Variants in DIS3L observed in about 807,000 individuals in gnomAD.
DIS3L encodes DIS3 like exosome 3'-5' exoribonuclease, also known as DIS3-like exonuclease 1.
DIS3L carries 100 observed loss-of-function variants against 120.3 expected under a neutral mutation model. The ratio of observed to expected loss-of-function variants is 0.83; its 90% confidence interval spans 0.71 to 0.98. The LOEUF (loss-of-function observed/expected upper bound fraction) is 0.98, where lower values mean the gene tolerates loss of function less well. Among genes scored for constraint, DIS3L ranks in the 50% least tolerant of loss-of-function variants. The probability of loss-of-function intolerance (pLI) is 0.00; values close to 1 mark genes in which losing one functional copy is unlikely to be tolerated. For missense variants in DIS3L, 1,196 were observed against 1,314.2 expected (o/e 0.91, Z 1.39); for synonymous variants, 426 against 470.6 (o/e 0.91, Z 1.23).
At chr15:66,329,612 G>A (rs2140414553) in intron 14 of DIS3L, 1 of 1,258,332 alleles carries the variant, frequency 7.9e-7, no homozygotes, top group Non-Finnish European at 1.0e-6. Context: ...TTTTCCGAAA[G>A]GTGGAAATGT....
intron 2 of DIS3L, among the ~76,000 whole-genome samples, chr15:66,305,614 T>A (rs1458272070): frequency 6.6e-6 from 1 of 152,156 alleles, no homozygotes; most frequent in Admixed American, 6.5e-5. Context: ...AGCCTCAGAC[T>A]CCTGGGCTTA....
intron 2 of DIS3L, among the ~76,000 whole-genome samples, chr15:66,301,099 T>C (rs2092642901): frequency 6.6e-6 from 1 of 152,102 alleles, no homozygotes; most frequent in Admixed American, 6.6e-5. Flanking sequence ...GAAAGGGATG[T>C]TGCATCTGTA....
At chr15:66,322,555 C>A (rs2092895775) in intron 9 of DIS3L, 132 bp from the exon 10 acceptor site, 8 of 1,388,216 alleles carry the variant, frequency 5.8e-6, no homozygotes, top group Non-Finnish European at 7.9e-6. Context: ...TCAAAGGAAG[C>A]CAACATAGGT....
rs373702458 is a variant in DIS3L, at chr15:66,333,327, A to G, written c.*15A>G. On this transcript the variant is annotated 3_prime_UTR_variant, in exon 17 of 17. Coordinates refer to ENST00000319212, the MANE Select transcript of DIS3L (RefSeq NM_001143688.3). ...ATGGAATATGAGAGGCTCTTACTTC[A>G]CTAAGAGCTGTCATATGTGAATGTT... The G allele has an allele frequency of 2.7e-5, 42 of 1,578,518 alleles. No individual in the cohort carries two copies. The African/African-American group carries it at 4.7e-4, about 17-fold the overall frequency.
chr15:66,332,313 C>T (rs1439677294), intron 15 of DIS3L, among the ~76,000 whole-genome samples: 2 of 151,978 alleles, frequency 1.3e-5, no homozygotes, highest in African/African-American at 2.4e-5. Flanking sequence ...AAAAATTAGC[C>T]GGGCATGGTG....
chr15:66,329,921 AAAAAG>A (rs2092982436), intron 14 of DIS3L: 1 of 985,018 alleles, frequency 1.0e-6, no homozygotes, highest in Non-Finnish European at 1.2e-6. Context: ...TCAAAAAAAA[AAAAAG>A]ATATGAAGAC....
chr15:66,320,963 C>T (rs1454366490), intron 9 of DIS3L, among the ~76,000 whole-genome samples: 1 of 152,026 alleles, frequency 6.6e-6, no homozygotes, highest in African/African-American at 2.4e-5. Context: ...TTATATTTTC[C>T]AACTGGGCTT....
chr15:66,329,051 G>T lies in DIS3L; in HGVS notation c.2283G>T (p.Met761Ile). 6.2e-7 allele frequency: 1 copy of T among 1,614,234 alleles called. No individual in the cohort carries two copies. Among genetic ancestry groups the T allele is most frequent in the Non-Finnish European group, 8.5e-7 (1 of 1,180,034 alleles). Residue 761 changes from methionine to isoleucine, a missense_variant, in exon 13 of 17, where the codon ATG (methionine) becomes ATT (isoleucine). Transcript: ENST00000319212. ...TTGTGAACAGGCTACTGCGCTCCAT[G>T]GCCACGCAGGCCATGTCGAATGCTC... ...DPIVNRLLRS[M>I]ATQAMSNALY...
intron 12 of DIS3L, among the ~76,000 whole-genome samples, chr15:66,327,682 T>G (rs1168960754): frequency 2.0e-5 from 3 of 152,130 alleles, no homozygotes; most frequent in East Asian, 3.9e-4. Flanking sequence ...AGGCGGAGGT[T>G]GCAGTGACCC....
In DIS3L at chr15:66,326,054, A is replaced by C; in HGVS notation, c.1891A>C (p.Lys631Gln). ...KLEELVWAIG[K>Q]LTDIARHVRA... ...GGAGGAGTTGGTGTGGGCAATTGGAAAGCTGACCGACATAGCTCGCCATGT... is the reference window on the plus strand; with the variant it reads ...GGAGGAGTTGGTGTGGGCAATTGGACAGCTGACCGACATAGCTCGCCATGT... Residue 631 changes from lysine (K) to glutamine (Q), a missense_variant, in exon 12 of 17, where the codon AAG becomes CAG. Coordinates refer to ENST00000319212, the MANE Select transcript of DIS3L (RefSeq NM_001143688.3). 6.2e-7 allele frequency: 1 copy of C among 1,614,050 alleles called. No individual in the cohort carries two copies. The highest frequency in any genetic ancestry group is 1.1e-5 in the South Asian group (1 of 91,078).
intron 7 of DIS3L, among the ~76,000 whole-genome samples, chr15:66,317,628 G>T (rs1331052154): frequency 6.6e-6 from 1 of 152,024 alleles, no homozygotes; most frequent in African/African-American, 2.4e-5. Flanking sequence ...TGGGACAAGT[G>T]GATTCTAAAT....
chr15:66,332,599 A>C, intron 15 of DIS3L, 137 bp from the exon 16 acceptor site: 5 of 852,114 alleles, frequency 5.9e-6, no homozygotes, highest in Non-Finnish European at 8.8e-6. Flanking sequence ...CTAAGGTGAA[A>C]TAAATACGTG....
intron 2 of DIS3L, among the ~76,000 whole-genome samples, chr15:66,302,821 G>C (rs966115165): frequency 6.6e-6 from 1 of 152,124 alleles, no homozygotes; most frequent in African/African-American, 2.4e-5. Context: ...TTAAATTGTG[G>C]TAAAATGTAC....
intron 15 of DIS3L, 79 bp from the exon 16 acceptor site, chr15:66,332,657 C>T: frequency 7.5e-7 from 1 of 1,332,238 alleles, no homozygotes; most frequent in Non-Finnish European, 1.0e-6. Context: ...AGGAGAAAAA[C>T]TAGTATTCTA....
chr15:66,301,696 T>G (rs561860702), intron 2 of DIS3L, among the ~76,000 whole-genome samples: 3 of 152,318 alleles, frequency 2.0e-5, no homozygotes, highest in African/African-American at 7.2e-5. Flanking sequence ...TCCCATCATA[T>G]GCACTACAAA....
At chr15:66,323,110 A>G (rs1319682150) in intron 10 of DIS3L, among the ~76,000 whole-genome samples, 176 bp downstream of exon 10, 1 of 152,152 alleles carries the variant, frequency 6.6e-6, no homozygotes, top group Non-Finnish European at 1.5e-5. Context: ...ACCTTGATCA[A>G]TTTACCTTTG....
chr15:66,304,505 A>G (rs1046489073), intron 2 of DIS3L, among the ~76,000 whole-genome samples: 3 of 152,110 alleles, frequency 2.0e-5, no homozygotes, highest in Non-Finnish European at 4.4e-5. Flanking sequence ...AATATGTTCT[A>G]CGCATCTTGA....
intron 9 of DIS3L, among the ~76,000 whole-genome samples, chr15:66,321,623 A>C (rs918832476): frequency 1.3e-5 from 2 of 151,988 alleles, no homozygotes; most frequent in African/African-American, 4.8e-5. Context: ...AAAAGTATCT[A>C]GGCCTAGTGG....
chr15:66,304,260 G>A (rs1246543908), intron 2 of DIS3L, among the ~76,000 whole-genome samples: 1 of 151,974 alleles, frequency 6.6e-6, no homozygotes, highest in Non-Finnish European at 1.5e-5. Flanking sequence ...AGATCAGCCT[G>A]GGCAACATGA....
Sources: gnomAD v4.1 joint callset for allele counts (sites outside exome capture counted in the v4.1 genomes callset) on GRCh38, gnomAD v4.1.1 for gene constraint, MANE v1.5 for transcripts, NCBI Gene and HGNC (gene_info 2026-07-23, HGNC 2026-07-21) for gene names.